Variants in ADCY3 observed in about 807,000 individuals in gnomAD.
The protein encoded by ADCY3 is adenylate cyclase type 3.
ADCY3 carries 70 observed loss-of-function variants against 119.4 expected under a neutral mutation model. The ratio of observed to expected loss-of-function variants is 0.59; its 90% CI spans 0.48 to 0.72. The LOEUF (loss-of-function observed/expected upper bound fraction) is 0.72, where lower values mean the gene tolerates loss of function less well. ADCY3 is among the 30% of genes least tolerant of loss of function. The probability of loss-of-function intolerance (pLI) is 0.00; values close to 1 mark genes in which losing one functional copy is unlikely to be tolerated. For missense variants in ADCY3, 1,238 were observed against 1,541.6 expected (o/e 0.80, Z 3.30); for synonymous variants, 672 against 621.4 (o/e 1.08, Z -1.21).
At position 24,820,116 on chromosome 2, in the gene ADCY3, T is replaced by G; in HGVS notation, c.3253-2A>C. On this transcript the variant is annotated splice_acceptor_variant, in intron 21 of 21. Coordinates refer to ENST00000679454, the MANE Select transcript of ADCY3 (RefSeq NM_004036.5). LOFTEE classifies it high-confidence loss of function. ...GATGACTTGGGTTTCTTCTACCACCTGGAGAGGGAGGGGGAGCAAGAACGT... is the reference window on the plus strand; with the variant it reads ...GATGACTTGGGTTTCTTCTACCACCGGGAGAGGGAGGGGGAGCAAGAACGT... 47 of 1,356,160 alleles carry G rather than the reference T, an allele frequency of 3.5e-5. No individual in the cohort carries two copies. Among genetic ancestry groups the G allele is most frequent in the Admixed American group, 1.9e-4 (8 of 41,118 alleles). The allele number at this position is 1,356,160 out of a possible 1,614,324, so 84.0% of individuals were successfully genotyped here.
Position 24,836,916 on chromosome 2 carries a change from C to T in ADCY3, c.1662+1G>A. 2 of 1,611,576 alleles carry T rather than the reference C, an allele frequency of 1.2e-6. No individual in the cohort carries two copies. The highest frequency in any genetic ancestry group is 1.7e-6 in the Non-Finnish European group (2 of 1,179,396). Reference sequence around the variant, plus strand: ...CCCCCTGCCCTGAGCCCTGCACATACCTGGGCATCCTGCTCCTCGGGCTTC... The same window carrying T: ...CCCCCTGCCCTGAGCCCTGCACATATCTGGGCATCCTGCTCCTCGGGCTTC... On this transcript the variant is annotated splice_donor_variant, in intron 9 of 21. Coordinates refer to ENST00000679454, the MANE Select transcript of ADCY3 (RefSeq NM_004036.5). LOFTEE classifies it high-confidence loss of function.
chr2:24,861,622 G>A (rs1673669057), intron 3 of ADCY3, among the ~76,000 whole-genome samples: 1 of 152,126 alleles, frequency 6.6e-6, no homozygotes, highest in Non-Finnish European at 1.5e-5. Flanking sequence ...GGGTCATGCA[G>A]CCTCTAGTAC....
rs1491284421 is a variant in ADCY3, at chr2:24,911,216, T to TC, written c.675+7096dup. On this transcript the variant is annotated intron_variant, in intron 2 of 21. Coordinates refer to ENST00000679454, the MANE Select transcript of ADCY3 (RefSeq NM_004036.5). ...AGGCTCCGAGGGAAGATATAAGGGT[T>TC]CTTTTTTTTTTTTTTTTTTTTTTTG... Among the ~76,000 whole-genome samples the TC allele has an allele frequency of 1.5e-4, 21 of 141,944 alleles. No individual in the cohort carries two copies. The East Asian group carries it at 1.6e-3, about 11-fold the overall frequency. 93.1% of individuals were successfully genotyped at this position (141,944 alleles called of 152,430 possible).
At chr2:24,848,757 C>T (rs928920222) in intron 3 of ADCY3, among the ~76,000 whole-genome samples, 8 of 152,156 alleles carry the variant, frequency 5.3e-5, no homozygotes, top group African/African-American at 1.7e-4. Context: ...GTGGAGACAG[C>T]AGGTGGCTCA....
chr2:24,820,607 G>T, intron 21 of ADCY3, 117 bp downstream of exon 21: 1 of 1,514,684 alleles, frequency 6.6e-7, no homozygotes, highest in East Asian at 2.3e-5. Context: ...CCACGTCTCT[G>T]CCTCTGGACT....
intron 2 of ADCY3, among the ~76,000 whole-genome samples, chr2:24,890,620 T>G (rs971060268): frequency 3.3e-5 from 5 of 152,198 alleles, no homozygotes; most frequent in Non-Finnish European, 7.3e-5. Flanking sequence ...ACTCTCTGAG[T>G]GTCTGTATGA....
In ADCY3 at chr2:24,865,216, G is replaced by A. The variant is rs566887949; in HGVS notation, c.825+7354C>T. On this transcript the variant is annotated intron_variant, in intron 3 of 21. Transcript: ENST00000679454. The stretch of plus-strand genomic sequence containing the variant: ...TCCCAGCATTTTGGGAGGCCGAGGC[G>A]GGCAGATCACTTTAGGTAAGGAGTT... Among the ~76,000 whole-genome samples the A allele has an allele frequency of 2.6e-5, 4 of 152,152 alleles. No homozygotes were observed. In the East Asian group the frequency reaches 5.8e-4, roughly 22 times the overall value.
At position 24,839,862 on chromosome 2, in the gene ADCY3, A is replaced by G. The variant is rs1367856299; in HGVS notation, c.1355+11T>C. ...CAGTCCTCAAACCTGCCCCCTTGGA[A>G]TGGCACTCACCCAGGGATGCCGCCG... On this transcript the variant is annotated intron_variant, in intron 7 of 21. Coordinates refer to ENST00000679454, the MANE Select transcript of ADCY3 (RefSeq NM_004036.5). 10 of 1,613,494 alleles carry G rather than the reference A, an allele frequency of 6.2e-6. No homozygotes were observed. The highest frequency in any genetic ancestry group is 8.5e-6 in the Non-Finnish European group (10 of 1,179,964).
intron 20 of ADCY3, 200 bp from the exon 21 acceptor site, chr2:24,821,048 C>CCA (rs1037400531): frequency 4.8e-5 from 10 of 210,350 alleles, no homozygotes; most frequent in South Asian, 2.0e-4. Flanking sequence ...TCAGCCGCCA[C>CCA]CCCCCCCCCA....
chr2:24,859,035 A>AC (rs1239249822), intron 3 of ADCY3, among the ~76,000 whole-genome samples: 2 of 152,376 alleles, frequency 1.3e-5, no homozygotes, highest in Non-Finnish European at 2.9e-5. Flanking sequence ...ACCAGTGCCT[A>AC]CTTCGCATTA....
At chr2:24,889,528 A>T (rs556482716) in intron 2 of ADCY3, among the ~76,000 whole-genome samples, 6 of 152,338 alleles carry the variant, frequency 3.9e-5, no homozygotes, top group South Asian at 2.1e-4. Context: ...GCTGCAAAAC[A>T]TAAGTTCAAA....
At chr2:24,827,635 G>GATA in intron 14 of ADCY3, 27 bp from the exon 15 acceptor site, 1 of 1,569,008 alleles carries the variant, frequency 6.4e-7, no homozygotes, top group Non-Finnish European at 8.7e-7. Context: ...AGCACAGTCA[G>GATA]GCCCCATCTG....
At chr2:24,826,525 T>TAC (rs1668645735) in intron 15 of ADCY3, 2 of 168,856 alleles carry the variant, frequency 1.2e-5, no homozygotes, top group Admixed American at 1.2e-4. Flanking sequence ...TTTACCTTGT[T>TAC]CATACATATT....
Position 24,824,486 on chromosome 2 carries a change from G to A in ADCY3, c.2628C>T (p.Asp876=), listed in dbSNP as rs1319304811. Residue 876 remains aspartate, a synonymous_variant, in exon 17 of 22, where the codon GAC becomes GAT. Coordinates refer to ENST00000679454, the MANE Select transcript of ADCY3 (RefSeq NM_004036.5). ...TLFLWKIEVH[D]QKERVYEMRR... ...GCATCTCATAGACACGTTCCTTCTG[G>A]TCGTGGACCTCAATCTTCCACAAGA... is the stretch of plus-strand genomic sequence containing the variant. 3 of 1,614,232 alleles carry A rather than the reference G, an allele frequency of 1.9e-6. No homozygotes were observed. The highest frequency in any genetic ancestry group is 1.7e-6 in the Non-Finnish European group (2 of 1,180,040).
chr2:24,844,214 T>C lies in ADCY3; in HGVS notation c.826-1830A>G, dbSNP rs528511955. Among the ~76,000 whole-genome samples the C allele has an allele frequency of 1.6e-3, 247 of 152,156 alleles. 2 individuals are homozygous for C. The highest frequency in any genetic ancestry group is 5.6e-3 in the African/African-American group (233 of 41,508). On this transcript the variant is annotated intron_variant, in intron 3 of 21. Transcript: ENST00000679454. Reference sequence around the variant, plus strand: ...GTGCTTCCGGGTGGCCAGGCCCGTGTCGCCATGGGGTCGGCTGCTGAAAGG... The same window carrying C: ...GTGCTTCCGGGTGGCCAGGCCCGTGCCGCCATGGGGTCGGCTGCTGAAAGG...
At chr2:24,883,229 T>C (rs1467754052) in intron 2 of ADCY3, among the ~76,000 whole-genome samples, 1 of 150,318 alleles carries the variant, frequency 6.7e-6, no homozygotes, top group Admixed American at 6.6e-5. Context: ...GCACCTGTAG[T>C]CCCAGCTACT....
intron 8 of ADCY3, 123 bp from the exon 9 acceptor site, chr2:24,837,168 G>T: frequency 8.5e-7 from 1 of 1,170,174 alleles, no homozygotes; most frequent in Non-Finnish European, 1.2e-6. Flanking sequence ...CACAGAACTT[G>T]CTTGTGGATT....
rs577951255 is a variant in ADCY3 at position 24,837,252 on chromosome 2, T to C, written c.1534-207A>G. Among the ~76,000 whole-genome samples the C allele has an allele frequency of 2.4e-3, 373 of 152,274 alleles. 4 individuals are homozygous for C. Among genetic ancestry groups the C allele is most frequent in the African/African-American group, 8.8e-3 (364 of 41,558 alleles). ...TGTTAATAAAAGGATGGAACTGCCA[T>C]TAACTGAGATGGGAAGACCGAGGGA... On this transcript the variant is annotated intron_variant, in intron 8 of 21. Transcript: ENST00000679454.
chr2:24,833,308 A>G (rs1205018689), intron 11 of ADCY3, among the ~76,000 whole-genome samples: 1 of 152,088 alleles, frequency 6.6e-6, no homozygotes, highest in Non-Finnish European at 1.5e-5. Context: ...CCCGTTCCCA[A>G]TGCGATGCCT....
Sources: gnomAD v4.1 joint callset for allele counts (sites outside exome capture counted in the v4.1 genomes callset) on GRCh38, gnomAD v4.1.1 for gene constraint, MANE v1.5 for transcripts, NCBI Gene and HGNC (gene_info 2026-07-23, HGNC 2026-07-21) for gene names.